Variants in CPNE8 observed in about 807,000 individuals in gnomAD.
CPNE8 encodes the protein copine-8.
In CPNE8, 45 loss-of-function variants were observed where a neutral mutation model predicts 81.5. That is an observed-to-expected ratio of 0.55 (90% CI 0.44 to 0.71). The LOEUF (loss-of-function observed/expected upper bound fraction) is 0.71. CPNE8 is among the 30% of genes least tolerant of loss of function. The pLI is 0.00. For missense variants in CPNE8, 594 were observed against 672.1 expected, an observed-to-expected ratio of 0.88 and a Z score of 1.28; for synonymous variants, 252 against 226.3, an observed-to-expected ratio of 1.11 and a Z score of -1.02.
intron 8 of CPNE8, among the ~76,000 whole-genome samples, chr12:38,766,069 A>G (rs1372593427): frequency 1.3e-5 from 2 of 152,118 alleles, no homozygotes; most frequent in African/African-American, 2.4e-5. Context: ...CATGTTGACC[A>G]GGATGGTCTC....
intron 6 of CPNE8, among the ~76,000 whole-genome samples, chr12:38,807,164 T>C (rs1004325215): frequency 2.0e-5 from 3 of 151,572 alleles, no homozygotes; most frequent in African/African-American, 7.3e-5. Flanking sequence ...ATCGTGAAAA[T>C]GGCCATACTG....
chr12:38,678,707 G>A (rs1369497039), intron 16 of CPNE8, among the ~76,000 whole-genome samples: 1 of 151,844 alleles, frequency 6.6e-6, no homozygotes, highest in Non-Finnish European at 1.5e-5. Context: ...TTTCCCCATG[G>A]ACTATAGATA....
At chr12:38,723,018 T>G (rs1377866824) in intron 13 of CPNE8, among the ~76,000 whole-genome samples, 1 of 152,170 alleles carries the variant, frequency 6.6e-6, no homozygotes, top group Non-Finnish European at 1.5e-5. Context: ...GCCATGATTA[T>G]AAGTCTCCTA....
chr12:38,775,138 T>A (rs1413981710), intron 7 of CPNE8, among the ~76,000 whole-genome samples: 1 of 152,086 alleles, frequency 6.6e-6, no homozygotes, highest in African/African-American at 2.4e-5. Context: ...TATATACATA[T>A]ATTTGAGACA....
intron 6 of CPNE8, among the ~76,000 whole-genome samples, chr12:38,784,033 G>A (rs187745071): frequency 2.4e-4 from 36 of 152,222 alleles, no homozygotes. Context: ...AAAGCACCAG[G>A]AACCAAGCCT....
rs551828807 is a variant in CPNE8 at position 38,708,128 on chromosome 12, A to G, written c.915-5207T>C. On this transcript the variant is annotated intron_variant, in intron 13 of 19. Transcript: ENST00000331366. ...AGAGTTTCCATTCATATTATAATAC[A>G]TACTTACTAAATCAAGTGTCATATT... is the stretch of plus-strand genomic sequence containing the variant. 3.9e-5 allele frequency among the ~76,000 whole-genome samples: 6 copies of G among 152,320 alleles called. No individual in the cohort carries two copies. In the South Asian group the frequency reaches 1.2e-3, roughly 32 times the overall value.
intron 7 of CPNE8, among the ~76,000 whole-genome samples, chr12:38,771,759 T>C (rs145594289): frequency 5.3e-4 from 80 of 152,276 alleles, no homozygotes; most frequent in African/African-American, 1.8e-3. Flanking sequence ...CCTTGGATAT[T>C]ATTTCTTGGA....
chr12:38,660,976 G>A (rs1272974263), intron 19 of CPNE8, among the ~76,000 whole-genome samples: 2 of 152,210 alleles, frequency 1.3e-5, no homozygotes, highest in Non-Finnish European at 2.9e-5. Context: ...TGGAGAGGAT[G>A]TAGAGAAATA....
intron 10 of CPNE8, among the ~76,000 whole-genome samples, chr12:38,735,532 T>C (rs937458602): frequency 6.6e-6 from 1 of 152,060 alleles, no homozygotes; most frequent in African/African-American, 2.4e-5. Flanking sequence ...CTAACTTTCT[T>C]TGCTTTTGTT....
intron 18 of CPNE8, among the ~76,000 whole-genome samples, chr12:38,674,139 A>T (rs887028537): frequency 1.7e-4 from 26 of 152,166 alleles, no homozygotes; most frequent in African/African-American, 5.3e-4. Flanking sequence ...TAAAGAAACG[A>T]AGAAAATAAA....
intron 14 of CPNE8, among the ~76,000 whole-genome samples, chr12:38,696,130 C>T (rs1939790251): frequency 6.6e-6 from 1 of 152,114 alleles, no homozygotes; most frequent in African/African-American, 2.4e-5. Flanking sequence ...CATAGCTGGG[C>T]CCTTTGTACC....
intron 15 of CPNE8, among the ~76,000 whole-genome samples, chr12:38,689,739 G>A (rs76717879): frequency 0.046 from 6,948 of 152,214 alleles, 398 homozygotes; most frequent in East Asian, 0.32. Context: ...CAGGTGTAGC[G>A]TTTCTCTATT....
At chr12:38,782,412 G>A (rs963063757) in intron 6 of CPNE8, among the ~76,000 whole-genome samples, 1 of 152,072 alleles carries the variant, frequency 6.6e-6, no homozygotes, top group African/African-American at 2.4e-5. Flanking sequence ...TAGATAATAT[G>A]TATCATTGTG....
chr12:38,894,658 A>ACTCTCTCT lies in CPNE8; in HGVS notation c.98+10771_98+10778dup, dbSNP rs60538878. 2.0e-4 allele frequency among the ~76,000 whole-genome samples: 25 copies of ACTCTCTCT among 124,546 alleles called. 1 individual carries two copies. The highest frequency in any genetic ancestry group is 4.1e-3 in the Middle Eastern group (1 of 242). 81.7% of individuals were successfully genotyped at this position (124,546 alleles called of 152,430 possible). A position where few individuals can be genotyped will look rare whatever the true frequency, so the allele number is the denominator to read the frequency against. ...CACGTGCTTGCTCTCACTCCAGCTC[A>ACTCTCTCT]CTCTCTCTCTCTCTCTCTCTCTCTC... On this transcript the variant is annotated intron_variant, in intron 1 of 19. Coordinates refer to ENST00000331366, the MANE Select transcript of CPNE8 (RefSeq NM_153634.3).
chr12:38,750,690 A>G (rs909147134), intron 10 of CPNE8, among the ~76,000 whole-genome samples: 2 of 152,206 alleles, frequency 1.3e-5, no homozygotes, highest in African/African-American at 4.8e-5. Flanking sequence ...CTATATCCCA[A>G]TTGTACCTAG....
intron 11 of CPNE8, among the ~76,000 whole-genome samples, chr12:38,728,620 G>A (rs540752748): frequency 1.3e-5 from 2 of 152,010 alleles, no homozygotes; most frequent in African/African-American, 2.4e-5. Context: ...GAGAACCATG[G>A]GACACCATTA....
intron 15 of CPNE8, 101 bp downstream of exon 15, chr12:38,693,555 TA>T: frequency 9.8e-7 from 1 of 1,016,760 alleles, no homozygotes; most frequent in Non-Finnish European, 1.4e-6. Context: ...CTACAGTCAG[TA>T]AAGCTTGCTA....
intron 7 of CPNE8, among the ~76,000 whole-genome samples, chr12:38,774,815 A>G (rs977090594): frequency 6.6e-6 from 1 of 152,188 alleles, no homozygotes; most frequent in Non-Finnish European, 1.5e-5. Context: ...GAGAAAAGTG[A>G]GACTGATATG....
intron 3 of CPNE8, among the ~76,000 whole-genome samples, chr12:38,849,057 C>G (rs140384416): frequency 6.6e-6 from 1 of 152,142 alleles, no homozygotes; most frequent in African/African-American, 2.4e-5. Flanking sequence ...GTATTCATAA[C>G]CTTCCTCCTC....
Sources: allele counts gnomAD v4.1 joint callset (sites outside exome capture counted in the v4.1 genomes callset), GRCh38; gene constraint gnomAD v4.1.1; transcripts MANE v1.5; gene names NCBI Gene and HGNC (gene_info 2026-07-23, HGNC 2026-07-21).